Variants in SPON1 observed in about 807,000 individuals in gnomAD.
SPON1 encodes the protein spondin-1.
SPON1 carries 52 observed loss-of-function variants against 111.7 expected under a neutral mutation model. The ratio of observed to expected loss-of-function variants is 0.47; its 90% CI spans 0.37 to 0.59. The LOEUF is 0.59. Among genes scored for constraint, SPON1 ranks in the 20% least tolerant of loss-of-function variants. The pLI, the probability that SPON1 is intolerant of heterozygous loss-of-function variation, is 0.00. For missense variants in SPON1, 957 were observed against 1,068.5 expected, an observed-to-expected ratio of 0.90 and a Z score of 1.46; for synonymous variants, 410 against 395.8, an observed-to-expected ratio of 1.04 and a Z score of -0.43.
chr11:14,177,437 C>G (rs936462216), intron 6 of SPON1, among the ~76,000 whole-genome samples: 18 of 152,084 alleles, frequency 1.2e-4, no homozygotes, highest in Admixed American at 1.2e-3. Flanking sequence ...GAGCTGTCTT[C>G]TTGTGCTGAG....
intron 6 of SPON1, among the ~76,000 whole-genome samples, chr11:14,176,048 A>G (rs1848171199): frequency 6.6e-6 from 1 of 152,128 alleles, no homozygotes; most frequent in South Asian, 2.1e-4. Context: ...GGGACAGATG[A>G]CCTCTGAAGG....
chr11:13,972,906 A>G (rs1848074325), intron 1 of SPON1, among the ~76,000 whole-genome samples: 1 of 152,174 alleles, frequency 6.6e-6, no homozygotes, highest in Non-Finnish European at 1.5e-5. Context: ...CTTCAGGCAT[A>G]AATGGGTCTA....
chr11:14,182,318 C>T (rs577064569), intron 6 of SPON1, among the ~76,000 whole-genome samples: 2 of 152,294 alleles, frequency 1.3e-5, no homozygotes, highest in South Asian at 2.1e-4. Flanking sequence ...TCCCATGGCG[C>T]GCTGTAGAAG....
At chr11:14,031,464 A>G (rs1398016680) in intron 2 of SPON1, among the ~76,000 whole-genome samples, 15 of 152,244 alleles carry the variant, frequency 9.9e-5, no homozygotes, top group Admixed American at 8.5e-4. Flanking sequence ...TGAATAACGC[A>G]GTCAATGCAG....
chr11:14,202,312 A>G (rs781895817), intron 6 of SPON1, among the ~76,000 whole-genome samples: 10 of 152,132 alleles, frequency 6.6e-5, no homozygotes, highest in Non-Finnish European at 1.2e-4. Context: ...TTTGCCTCAC[A>G]TCTCCCTCAT....
intron 2 of SPON1, among the ~76,000 whole-genome samples, chr11:14,009,080 A>G (rs1033157511): frequency 6.6e-6 from 1 of 152,106 alleles, no homozygotes; most frequent in African/African-American, 2.4e-5. Flanking sequence ...GTTGTGTGTG[A>G]TTGGTATGTG....
At chr11:14,121,998 G>A (rs1021426752) in intron 5 of SPON1, among the ~76,000 whole-genome samples, 1 of 150,944 alleles carries the variant, frequency 6.6e-6, no homozygotes, top group Non-Finnish European at 1.5e-5. Flanking sequence ...GTCTTTTATC[G>A]CTTTTTGTTG....
At chr11:14,098,535 T>C (rs530738596) in intron 5 of SPON1, among the ~76,000 whole-genome samples, 1 of 152,308 alleles carries the variant, frequency 6.6e-6, no homozygotes, top group Admixed American at 6.5e-5. Context: ...CTTAGCCTCA[T>C]AGGATGAATA....
At chr11:14,214,439 A>G (rs1554936983) in intron 6 of SPON1, among the ~76,000 whole-genome samples, 1 of 152,204 alleles carries the variant, frequency 6.6e-6, no homozygotes, top group East Asian at 1.9e-4. Context: ...TCCTGCTAGC[A>G]TGGGGTTCAG....
chr11:14,036,990 G>T (rs1159177513), intron 2 of SPON1, among the ~76,000 whole-genome samples: 2 of 152,168 alleles, frequency 1.3e-5, no homozygotes, highest in Non-Finnish European at 2.9e-5. Context: ...GAATAAGTGG[G>T]AGGTGAAGGG....
chr11:14,255,286 A>C (rs1240813714), intron 8 of SPON1, among the ~76,000 whole-genome samples: 1 of 152,200 alleles, frequency 6.6e-6, no homozygotes, highest in African/African-American at 2.4e-5. Flanking sequence ...TATGGTTCAC[A>C]AAGCCTAAAA....
intron 2 of SPON1, among the ~76,000 whole-genome samples, chr11:14,035,156 A>G (rs1255044148): frequency 1.5e-4 from 23 of 152,140 alleles, no homozygotes; most frequent in Non-Finnish European, 2.9e-5. Flanking sequence ...GGTCCAGTGT[A>G]TGTGGTTTCA....
chr11:14,105,478 T>C (rs545494462), intron 5 of SPON1, among the ~76,000 whole-genome samples: 2 of 152,292 alleles, frequency 1.3e-5, no homozygotes, highest in East Asian at 1.9e-4. Flanking sequence ...GAAATAGATA[T>C]AATGTCTTTC....
At chr11:14,237,889 G>A (rs1554939351) in intron 6 of SPON1, among the ~76,000 whole-genome samples, 1 of 152,188 alleles carries the variant, frequency 6.6e-6, no homozygotes, top group African/African-American at 2.4e-5. Context: ...GGTGGGCCTG[G>A]TTCTCCTGGG....
chr11:14,114,120 C>T (rs1849249454), intron 5 of SPON1, among the ~76,000 whole-genome samples: 1 of 152,090 alleles, frequency 6.6e-6, no homozygotes, highest in African/African-American at 2.4e-5. Context: ...CATAGTCACC[C>T]TATTGTGCTA....
chr11:14,100,803 C>T (rs923054552), intron 5 of SPON1, among the ~76,000 whole-genome samples: 1 of 152,134 alleles, frequency 6.6e-6, no homozygotes, highest in African/African-American at 2.4e-5. Context: ...CAAGGCAAAC[C>T]CCCTAAGGCC....
chr11:14,172,778 C>A (rs1848122330), intron 6 of SPON1, among the ~76,000 whole-genome samples: 1 of 151,904 alleles, frequency 6.6e-6, no homozygotes, highest in Non-Finnish European at 1.5e-5. Context: ...TTATGAAATT[C>A]TGGGTTGAAA....
At chr11:14,030,725 G>A (rs1445286285) in intron 2 of SPON1, among the ~76,000 whole-genome samples, 15 of 152,196 alleles carry the variant, frequency 9.9e-5, no homozygotes, top group Admixed American at 2.0e-4. Context: ...GCAAGGCTGC[G>A]GAGAAAAGGG....
At chr11:14,100,360 A>G (rs1273244066) in intron 5 of SPON1, among the ~76,000 whole-genome samples, 1 of 151,994 alleles carries the variant, frequency 6.6e-6, no homozygotes, top group East Asian at 1.9e-4. Context: ...ATGTTATTAT[A>G]CATTTCTGAT....
Sources: gnomAD v4.1 joint callset for allele counts (sites outside exome capture counted in the v4.1 genomes callset) on GRCh38, gnomAD v4.1.1 for gene constraint, MANE v1.5 for transcripts, NCBI Gene and HGNC (gene_info 2026-07-23, HGNC 2026-07-21) for gene names.